Variants in CYRIB observed in about 807,000 individuals in gnomAD.
CYRIB encodes the protein CYFIP-related Rac1 interactor B.
In CYRIB, 8 loss-of-function variants were observed where a neutral mutation model predicts 44.2. The observed-to-expected ratio is 0.18, with a 90% CI of 0.11 to 0.33. The LOEUF is 0.33. CYRIB is among the 10% of genes least tolerant of loss of function. The pLI is 1.00. For synonymous variants in CYRIB, 131 were observed against 127.2 expected (o/e 1.03, Z -0.20); for missense variants, 185 against 382.8 (o/e 0.48, Z 4.31).
chr8:129,869,969 A>ATGG (rs1356964875), intron 4 of CYRIB, among the ~76,000 whole-genome samples: 3 of 143,500 alleles, frequency 2.1e-5, no homozygotes, highest in Non-Finnish European at 4.6e-5. Context: ...GTAGGAGATT[A>ATGG]TGGGGGGGTG....
At chr8:129,853,276 T>C (rs2044327264) in intron 7 of CYRIB, among the ~76,000 whole-genome samples, 1 of 152,204 alleles carries the variant, frequency 6.6e-6, no homozygotes, top group African/African-American at 2.4e-5. Context: ...TTATTTTACA[T>C]GGTAGGTATG....
At chr8:130,016,702 C>G (rs925824750), upstream of CYRIB, 9 of 149,118 alleles carry the variant, frequency 6.0e-5, no homozygotes, top group African/African-American at 2.2e-4. Context: ...CATCGCGGGG[C>G]CCCGGCGTCA....
At chr8:129,886,416 C>T (rs547534469) in intron 2 of CYRIB, among the ~76,000 whole-genome samples, 1 of 152,272 alleles carries the variant, frequency 6.6e-6, no homozygotes, top group Admixed American at 6.5e-5. Context: ...TTTTTCAGTA[C>T]CCTTCTGTTT....
chr8:129,848,320 C>A (rs1396021364), intron 10 of CYRIB, among the ~76,000 whole-genome samples: 1 of 152,130 alleles, frequency 6.6e-6, no homozygotes, highest in African/African-American at 2.4e-5. Context: ...TAATCGAGAT[C>A]CGAAATGCTA....
At chr8:129,879,033 T>C (rs1011375364) in intron 3 of CYRIB, among the ~76,000 whole-genome samples, 1 of 151,994 alleles carries the variant, frequency 6.6e-6, no homozygotes, top group African/African-American at 2.4e-5. Context: ...TTGACTATAA[T>C]ATAAGTTTTC....
intron 9 of CYRIB, 98 bp from the exon 12 acceptor site, chr8:129,849,467 C>A: frequency 8.2e-7 from 1 of 1,219,844 alleles, no homozygotes. Context: ...ATATTTTATT[C>A]AAATTTCTAT....
At chr8:129,888,453 G>A (rs115669092) in intron 2 of CYRIB, among the ~76,000 whole-genome samples, 5,007 of 152,168 alleles carry the variant, frequency 0.033, 283 homozygotes, top group African/African-American at 0.11. Flanking sequence ...AATCTGCTCC[G>A]ACACACTCTG....
At chr8:129,942,721 G>T (rs1037468445), upstream of CYRIB, among the ~76,000 whole-genome samples, 3 of 152,172 alleles carry the variant, frequency 2.0e-5, no homozygotes, top group Admixed American at 2.0e-4. Context: ...GCTGTATTTT[G>T]TGAGTCCTTA....
At position 129,879,247 on chromosome 8, in the gene CYRIB, GCACCAGAAATTTACTCAAACAATT is replaced by G. The variant is rs1375996981; in HGVS notation, c.73+118_73+141del. On this transcript the variant is annotated intron_variant, in intron 3 of 11. Coordinates refer to ENST00000519824, the Ensembl canonical transcript of CYRIB. ...AAAATAGGACTTCCAGTTCTAGAAGGCACCAGAAATTTACTCAAACAATTCATAGCTCAGTCATGCAAAGCAGTT... is the reference window on the plus strand; with the variant it reads ...AAAATAGGACTTCCAGTTCTAGAAGGCATAGCTCAGTCATGCAAAGCAGTT... The G allele has an allele frequency of 1.6e-5, 10 of 617,304 alleles. No homozygotes were observed. In the Admixed American group the frequency reaches 3.5e-4, roughly 21 times the overall value. 38.2% of individuals were successfully genotyped at this position (617,304 alleles called of 1,614,324 possible).
chr8:129,982,435 C>A (rs529271372), intron 1 of CYRIB, among the ~76,000 whole-genome samples: 2 of 152,016 alleles, frequency 1.3e-5, no homozygotes, highest in Non-Finnish European at 2.9e-5. Flanking sequence ...TAGCCCCATG[C>A]GGCTAGTGGC....
chr8:129,958,329 A>G (rs916130213), intron 2 of CYRIB, among the ~76,000 whole-genome samples: 1 of 152,208 alleles, frequency 6.6e-6, no homozygotes, highest in African/African-American at 2.4e-5. Context: ...ACCAGCACAC[A>G]AATGACTTTT....
At chr8:129,923,166 C>T (rs2084876653) in intron 1 of CYRIB, among the ~76,000 whole-genome samples, 2 of 150,488 alleles carry the variant, frequency 1.3e-5, no homozygotes, top group African/African-American at 4.9e-5. Flanking sequence ...TCGCTTGAAC[C>T]TGGGAGGCAG....
At chr8:129,943,625 G>C (rs1430156671), upstream of CYRIB, among the ~76,000 whole-genome samples, 1 of 96,864 alleles carries the variant, frequency 1.0e-5, no homozygotes, top group Non-Finnish European at 1.9e-5. Flanking sequence ...TGAGACAGGA[G>C]TCTCGCTCTG....
intron 1 of CYRIB, among the ~76,000 whole-genome samples, chr8:129,990,461 GGT>G (rs373091317): frequency 1.5e-4 from 23 of 149,984 alleles, no homozygotes; most frequent in East Asian, 3.9e-4. Context: ...AGAACAATAC[GGT>G]GTGTGTGTGT....
chr8:129,981,021 A>G (rs1462170329), intron 1 of CYRIB, among the ~76,000 whole-genome samples: 3 of 152,022 alleles, frequency 2.0e-5, no homozygotes, highest in Non-Finnish European at 4.4e-5. Context: ...ACAAACAACA[A>G]AACAACATAA....
chr8:129,981,807 T>A (rs975145567), intron 1 of CYRIB, among the ~76,000 whole-genome samples: 2 of 152,174 alleles, frequency 1.3e-5, no homozygotes, highest in Non-Finnish European at 2.9e-5. Flanking sequence ...CCTGGAGAAC[T>A]GCTTCCCGGG....
At chr8:129,919,612 G>A (rs188116539) in intron 1 of CYRIB, among the ~76,000 whole-genome samples, 116 of 152,256 alleles carry the variant, frequency 7.6e-4, no homozygotes, top group African/African-American at 2.7e-3. Context: ...GAAAGCTAGA[G>A]AAGTGAGATG....
chr8:130,000,862 T>C (rs1324623809), intron 1 of CYRIB, among the ~76,000 whole-genome samples: 7 of 151,484 alleles, frequency 4.6e-5, no homozygotes, highest in Non-Finnish European at 8.9e-5. Context: ...AGCAAGACCC[T>C]GTTTCTAAAA....
chr8:129,972,441 G>A (rs1283227074), intron 1 of CYRIB, among the ~76,000 whole-genome samples: 1 of 151,962 alleles, frequency 6.6e-6, no homozygotes, highest in Non-Finnish European at 1.5e-5. Context: ...GCTGAGCGTG[G>A]TGGCACATGC....
Sources: allele counts gnomAD v4.1 joint callset (sites outside exome capture counted in the v4.1 genomes callset), GRCh38; gene constraint gnomAD v4.1.1; transcripts MANE v1.5; gene names NCBI Gene and HGNC (gene_info 2026-07-23, HGNC 2026-07-21).